Variants in TANC1 observed in about 807,000 individuals in gnomAD.
TANC1 encodes the protein protein TANC1.
In TANC1, 77 loss-of-function variants were observed where a neutral mutation model predicts 149.7. The ratio of observed to expected loss-of-function variants is 0.51; its 90% confidence interval spans 0.43 to 0.62. TANC1 has a LOEUF of 0.62. Ranked by LOEUF, TANC1 falls within the 20% of genes least tolerant of loss-of-function variation. The pLI, the probability that TANC1 is intolerant of heterozygous loss-of-function variation, is 0.00. For missense variants in TANC1, 1,985 were observed against 2,321.8 expected (o/e 0.85, Z 2.98); for synonymous variants, 854 against 925.0 (o/e 0.92, Z 1.39).
At chr2:159,089,430 C>T (rs2045301792) in intron 3 of TANC1, among the ~76,000 whole-genome samples, 1 of 152,182 alleles carries the variant, frequency 6.6e-6, no homozygotes, top group African/African-American at 2.4e-5. Flanking sequence ...CCCCTCCCTG[C>T]TCCTTGAGCG....
chr2:159,035,764 T>A lies in TANC1; in HGVS notation c.-15-30132T>A, dbSNP rs573916996. Among the ~76,000 whole-genome samples the A allele has an allele frequency of 1.2e-4, 19 of 152,306 alleles. 1 individual carries two copies. Among genetic ancestry groups the A allele is most frequent in the South Asian group, 1.0e-3 (5 of 4,830 alleles). On this transcript the variant is annotated intron_variant, in intron 2 of 26. Transcript: ENST00000263635. Reference sequence around the variant, plus strand: ...TCTCAGGAAGCTGCCTTCCTTGAGATCTCTGCGACTCTGTAATTTATAGTG... The same window carrying A: ...TCTCAGGAAGCTGCCTTCCTTGAGAACTCTGCGACTCTGTAATTTATAGTG...
intron 19 of TANC1, among the ~76,000 whole-genome samples, chr2:159,211,837 T>A (rs2357050): frequency 1 from 151,877 of 152,366 alleles, 75,710 homozygotes; most frequent in Middle Eastern, 1. Context: ...AGCCTGAGCA[T>A]AGTCTGCCTG....
chr2:159,083,977 C>A (rs1439605940), intron 3 of TANC1, among the ~76,000 whole-genome samples: 3 of 151,978 alleles, frequency 2.0e-5, no homozygotes, highest in Non-Finnish European at 1.5e-5. Flanking sequence ...ATCAGCTGGG[C>A]ATGGTGGCTT....
At position 159,149,182 on chromosome 2, in the gene TANC1, T is replaced by C. The variant is rs2052494913; in HGVS notation, c.405T>C (p.Ala135=). ...ADNEPSCSPA[A]QELLTRLGFL... is the part of the protein sequence containing the mutation. Reference sequence around the variant, plus strand: ...ATGAACCGAGCTGTTCGCCGGCAGCTCAAGAACTGTTGACAAGGCTGGGAT... The same window carrying C: ...ATGAACCGAGCTGTTCGCCGGCAGCCCAAGAACTGTTGACAAGGCTGGGAT... Residue 135 remains alanine (A), a synonymous_variant, in exon 6 of 27, where the codon GCT becomes GCC. Coordinates refer to ENST00000263635, the MANE Select transcript of TANC1 (RefSeq NM_033394.3). The C allele has an allele frequency of 1.9e-6, 3 of 1,613,140 alleles. No homozygotes were observed. Among genetic ancestry groups the C allele is most frequent in the Non-Finnish European group, 2.5e-6 (3 of 1,179,312 alleles).
At position 159,125,743 on chromosome 2, in the gene TANC1, C is replaced by T. The variant is rs553190277; in HGVS notation, c.260-10451C>T. Reference sequence around the variant, plus strand: ...TAGCTGGGAATACAGGTGCCTACCACGCCCAGCTAATTTTTTGTATTTTTA... The same window carrying T: ...TAGCTGGGAATACAGGTGCCTACCATGCCCAGCTAATTTTTTGTATTTTTA... On this transcript the variant is annotated intron_variant, in intron 4 of 26. Coordinates refer to ENST00000263635, the MANE Select transcript of TANC1 (RefSeq NM_033394.3). Among the ~76,000 whole-genome samples the T allele has an allele frequency of 9.2e-4, 140 of 152,104 alleles. 1 individual carries two copies. Among genetic ancestry groups the T allele is most frequent in the Non-Finnish European group, 1.4e-3 (94 of 68,032 alleles).
At chr2:159,117,125 G>A (rs968263804) in intron 4 of TANC1, among the ~76,000 whole-genome samples, 6 of 152,142 alleles carry the variant, frequency 3.9e-5, no homozygotes, top group African/African-American at 1.4e-4. Context: ...GAGGGTGAAA[G>A]GACTGTCAGG....
intron 2 of TANC1, among the ~76,000 whole-genome samples, chr2:159,020,178 C>T (rs911950087): frequency 1.3e-5 from 2 of 152,146 alleles, no homozygotes; most frequent in Admixed American, 1.3e-4. Context: ...AGTGCAGTGG[C>T]ACGATCTCAG....
chr2:159,126,194 AG>A (rs1452403548), intron 4 of TANC1, among the ~76,000 whole-genome samples: 33 of 152,150 alleles, frequency 2.2e-4, no homozygotes, highest in Non-Finnish European at 4.3e-4. Flanking sequence ...TTCAGTAATG[AG>A]GGGATGGGAT....
intron 3 of TANC1, among the ~76,000 whole-genome samples, chr2:159,087,224 A>G (rs2044988367): frequency 6.6e-6 from 1 of 152,148 alleles, no homozygotes; most frequent in South Asian, 2.1e-4. Context: ...ATTGGTTTAT[A>G]CAGTTTCTTA....
intron 4 of TANC1, among the ~76,000 whole-genome samples, chr2:159,116,467 A>C (rs2048277492): frequency 6.6e-6 from 1 of 151,742 alleles, no homozygotes; most frequent in Non-Finnish European, 1.5e-5. Context: ...AAAAAAAAAA[A>C]CAAAGGACCT....
At chr2:159,201,511 T>C (rs1449296688) in intron 19 of TANC1, among the ~76,000 whole-genome samples, 8 of 152,208 alleles carry the variant, frequency 5.3e-5, no homozygotes, top group Admixed American at 5.2e-4. Flanking sequence ...TGTACTGCTG[T>C]GTGCATTGTT....
intron 2 of TANC1, among the ~76,000 whole-genome samples, chr2:159,051,738 C>G (rs768278296): frequency 1.3e-5 from 2 of 151,556 alleles, no homozygotes; most frequent in Non-Finnish European, 2.9e-5. Context: ...TCAGAACTAC[C>G]ACCCCAGCTC....
intron 1 of TANC1, among the ~76,000 whole-genome samples, chr2:158,983,328 G>A (rs145831281): frequency 0.093 from 14,143 of 151,732 alleles, 689 homozygotes; most frequent in Middle Eastern, 0.11. Flanking sequence ...TTAGCCGGGC[G>A]TGGTGGCGGG....
At chr2:159,089,677 A>C (rs2045325154) in intron 3 of TANC1, among the ~76,000 whole-genome samples, 1 of 152,208 alleles carries the variant, frequency 6.6e-6, no homozygotes, top group Non-Finnish European at 1.5e-5. Context: ...AGCAGAGATG[A>C]CCAGGACCTG....
intron 2 of TANC1, among the ~76,000 whole-genome samples, chr2:159,062,794 C>T (rs1237290941): frequency 6.6e-6 from 1 of 150,402 alleles, no homozygotes; most frequent in Non-Finnish European, 1.5e-5. Flanking sequence ...GGTGAAACCC[C>T]GTCTCTACTA....
intron 2 of TANC1, among the ~76,000 whole-genome samples, chr2:159,033,099 T>G (rs1229371728): frequency 1.3e-5 from 2 of 152,150 alleles, no homozygotes; most frequent in African/African-American, 4.8e-5. Flanking sequence ...AAAGGTTCAG[T>G]GGGATGTCAT....
chr2:159,084,101 T>G (rs756810769), intron 3 of TANC1, among the ~76,000 whole-genome samples: 4 of 152,006 alleles, frequency 2.6e-5, no homozygotes, highest in African/African-American at 4.8e-5. Context: ...AATACAAAAA[T>G]TAGCCGGGGG....
At chr2:159,222,537 C>T (rs759445203) in intron 22 of TANC1, among the ~76,000 whole-genome samples, 4 of 152,168 alleles carry the variant, frequency 2.6e-5, no homozygotes, top group Non-Finnish European at 5.9e-5. Context: ...TCCAGGTTCA[C>T]CCATGTTGTA....
chr2:159,217,353 AG>A, intron 19 of TANC1, 143 bp from the exon 20 acceptor site: 1 of 1,027,382 alleles, frequency 9.7e-7, no homozygotes, highest in Non-Finnish European at 1.5e-6. Context: ...TGTTGGTCAA[AG>A]CTGTCACAGA....
Sources: allele counts gnomAD v4.1 joint callset (sites outside exome capture counted in the v4.1 genomes callset), GRCh38; gene constraint gnomAD v4.1.1; transcripts MANE v1.5; gene names NCBI Gene and HGNC (gene_info 2026-07-23, HGNC 2026-07-21).